PLEKHG4B: variants seen among roughly 807,000 people sequenced by gnomAD.
PLEKHG4B encodes pleckstrin homology and RhoGEF domain containing G4B, also known as pleckstrin homology domain-containing family G member 4B.
PLEKHG4B carries 111 observed loss-of-function variants against 121.3 expected under a neutral mutation model. The observed-to-expected ratio is 0.92, with a 90% CI of 0.78 to 1.07. The LOEUF (loss-of-function observed/expected upper bound fraction) is 1.07, where lower values mean the gene tolerates loss of function less well. PLEKHG4B is among the 50% of genes least tolerant of loss of function. The probability of loss-of-function intolerance (pLI) is 0.00; values close to 1 mark genes in which losing one functional copy is unlikely to be tolerated. For synonymous variants in PLEKHG4B, 738 were observed against 725.0 expected (o/e 1.02, Z -0.29); for missense variants, 1,831 against 1,757.8 (o/e 1.04, Z -0.74).
intron 1 of PLEKHG4B, among the ~76,000 whole-genome samples, chr5:105,631 G>A (rs545519685): frequency 2.6e-5 from 4 of 152,338 alleles, no homozygotes; most frequent in South Asian, 4.1e-4. Flanking sequence ...TTCGCTTTTC[G>A]TTTGAAGTTG....
In PLEKHG4B at chr5:156,293, C is replaced by T; in HGVS notation, c.2348+83C>T. 1.5e-6 allele frequency: 2 copies of T among 1,291,912 alleles called. No homozygotes were observed. Among genetic ancestry groups the T allele is most frequent in the Non-Finnish European group, 2.0e-6 (2 of 1,004,944 alleles). The allele number at this position is 1,291,912 out of a possible 1,614,324, so 80.0% of individuals were successfully genotyped here. On this transcript the variant is annotated intron_variant, in intron 10 of 19. Coordinates refer to ENST00000637938, the MANE Select transcript of PLEKHG4B (RefSeq NM_052909.5). This position sits in a 1 kb window ranked among gnomAD's most constrained non-coding sequence, Gnocchi z 4.4. ...AGTTTGCACCAGGAGGCGTAGCGCTCTGCTCCAAGGAGAGCCCCCTCTGTG... is the reference window on the plus strand; with the variant it reads ...AGTTTGCACCAGGAGGCGTAGCGCTTTGCTCCAAGGAGAGCCCCCTCTGTG...
chr5:106,580 C>T (rs1733979677), intron 1 of PLEKHG4B, among the ~76,000 whole-genome samples: 1 of 152,230 alleles, frequency 6.6e-6, no homozygotes, highest in Non-Finnish European at 1.5e-5. Flanking sequence ...ACAGCGTGCT[C>T]ACATTTCAAA....
chr5:109,062 G>T (rs1232168591), intron 1 of PLEKHG4B, among the ~76,000 whole-genome samples: 10 of 152,140 alleles, frequency 6.6e-5, no homozygotes, highest in Non-Finnish European at 1.5e-4. Context: ...CCATTGATGG[G>T]AACTGGGGCA....
chr5:140,327 C>G lies in PLEKHG4B; in HGVS notation c.1088C>G (p.Pro363Arg). Reference sequence around the variant, plus strand: ...TCGTACATGGAAGCCTTGCGGAACCCCATGCCCCTGGGCAGCTCTGAGGAG... The same window carrying G: ...TCGTACATGGAAGCCTTGCGGAACCGCATGCCCCTGGGCAGCTCTGAGGAG... ...RESYMEALRN[P>R]MPLGSSEEAL... The change falls in exon 3 of 20, where the codon CCC (proline) becomes CGC (arginine). Residue 363 changes from proline (P) to arginine (R), a missense_variant. Pro to Arg is a moderately radical substitution (Grantham distance 103). Coordinates refer to ENST00000637938, the MANE Select transcript of PLEKHG4B (RefSeq NM_052909.5). 3.9e-6 allele frequency: 6 copies of G among 1,524,516 alleles called. No individual in the cohort carries two copies. Among genetic ancestry groups the G allele is most frequent in the Non-Finnish European group, 5.3e-6 (6 of 1,137,610 alleles). The allele number at this position is 1,524,516 out of a possible 1,614,324, so 94.4% of individuals were successfully genotyped here. A position where few individuals can be genotyped will look rare whatever the true frequency, so the allele number is the denominator to read the frequency against.
intron 2 of PLEKHG4B, among the ~76,000 whole-genome samples, chr5:121,812 T>C (rs1475876677): frequency 6.6e-6 from 1 of 151,934 alleles, no homozygotes; most frequent in Non-Finnish European, 1.5e-5. Flanking sequence ...TTTAGGTTAA[T>C]AAAAGAGTAG....
chr5:119,855 G>T (rs1734417540), intron 2 of PLEKHG4B, among the ~76,000 whole-genome samples: 1 of 152,166 alleles, frequency 6.6e-6, no homozygotes. Context: ...AATGCACGTG[G>T]ATCTTCTCTA....
chr5:170,870 T>G (rs1187294786), intron 14 of PLEKHG4B, among the ~76,000 whole-genome samples, 173 bp from the exon 15 acceptor site: 3 of 152,080 alleles, frequency 2.0e-5, no homozygotes, highest in Non-Finnish European at 4.4e-5. Context: ...GTGTTGGGGA[T>G]ACTCTGATAG....
intron 2 of PLEKHG4B, among the ~76,000 whole-genome samples, chr5:130,787 G>A (rs1734756486): frequency 6.6e-6 from 1 of 152,202 alleles, no homozygotes; most frequent in Non-Finnish European, 1.5e-5. Context: ...TTTACCCTGT[G>A]TGATCTGCAG....
chr5:127,283 A>C (rs2126376363), intron 2 of PLEKHG4B, among the ~76,000 whole-genome samples: 1 of 151,314 alleles, frequency 6.6e-6, no homozygotes, highest in East Asian at 1.9e-4. Context: ...TCTTTCCCTC[A>C]CTATCTGCCT....
At position 170,438 on chromosome 5, in the gene PLEKHG4B, G is replaced by T. The variant is rs1027745013; in HGVS notation, c.3730-605G>T. Among the ~76,000 whole-genome samples, 26 of 152,084 alleles carry T rather than the reference G, an allele frequency of 1.7e-4. 1 individual carries two copies. The highest frequency in any genetic ancestry group is 4.4e-5 in the Non-Finnish European group (3 of 68,020). ...CTGCCTCAGCCTCTTGAGTAGCTGG[G>T]ACTACAGGCGCCGCCACCACGCCCG... On this transcript the variant is annotated intron_variant, in intron 14 of 19. Transcript: ENST00000637938.
chr5:105,532 A>G (rs544075592), intron 1 of PLEKHG4B, among the ~76,000 whole-genome samples: 169 of 152,332 alleles, frequency 1.1e-3, no homozygotes, highest in African/African-American at 3.9e-3. Context: ...GGAAACATGC[A>G]TGGCAGTGGT....
At chr5:154,833 A>G (rs753758391) in intron 7 of PLEKHG4B, 42 bp from the exon 8 acceptor site, 1 of 1,450,554 alleles carries the variant, frequency 6.9e-7, no homozygotes, top group South Asian at 1.1e-5. Flanking sequence ...CCCCCAAGAG[A>G]TGCATCTGGA....
Position 140,031 on chromosome 5 carries a change from G to C in PLEKHG4B, c.792G>C (p.Arg264Ser), listed in dbSNP as rs1309253301. The C allele has an allele frequency of 1.2e-5, 5 of 427,270 alleles. No individual in the cohort carries two copies. In the Admixed American group the frequency reaches 2.0e-4, roughly 17 times the overall value. The allele number at this position is 427,270 out of a possible 1,614,324, so 26.5% of individuals were successfully genotyped here. Reference protein sequence around the residue: ...RRGHTGSDQLRHLPYPERAEL... With the variant: ...RRGHTGSDQLSHLPYPERAEL... Reference sequence around the variant, plus strand: ...GGCATACGGGCAGCGACCAGCTCAGGCACCTTCCTTATCCAGAAAGAGCCG... The same window carrying C: ...GGCATACGGGCAGCGACCAGCTCAGCCACCTTCCTTATCCAGAAAGAGCCG... The change falls in exon 3 of 20, where the codon AGG becomes AGC. Residue 264 changes from arginine to serine, a missense_variant. Coordinates refer to ENST00000637938, the MANE Select transcript of PLEKHG4B (RefSeq NM_052909.5).
At chr5:169,260 T>G in intron 13 of PLEKHG4B, 80 bp from the exon 14 acceptor site, 1 of 1,563,648 alleles carries the variant, frequency 6.4e-7, no homozygotes, top group Admixed American at 1.8e-5. Context: ...TTTTCATGTG[T>G]TTCTGTCTCA....
At chr5:127,683 C>T (rs1396607992) in intron 2 of PLEKHG4B, among the ~76,000 whole-genome samples, 2 of 152,088 alleles carry the variant, frequency 1.3e-5, no homozygotes, top group African/African-American at 4.8e-5. Context: ...TCTTTGTCTG[C>T]ACCTCTGTGG....
Position 163,042 on chromosome 5 carries a change from AC to A in PLEKHG4B, c.2973del (p.Ser992HisfsTer88). On this transcript the variant is annotated frameshift_variant, in exon 13 of 20. Coordinates refer to ENST00000637938, the MANE Select transcript of PLEKHG4B (RefSeq NM_052909.5). LOFTEE classifies it high-confidence loss of function. ...QEAMRRHQKPPSFPSTDSGGG... is the reference protein window; with the variant it reads ...QEAMRRHQKPXSFPSTDSGGG... ...AGGCCATGAGGAGGCACCAGAAGCCACCCTCATTCCCCAGCACGGACAGTGG... is the reference window on the plus strand; with the variant it reads ...AGGCCATGAGGAGGCACCAGAAGCCACCTCATTCCCCAGCACGGACAGTGG... 1 of 1,560,564 alleles carries A rather than the reference AC, an allele frequency of 6.4e-7. No homozygotes were observed.
Position 171,206 on chromosome 5 carries a change from C to T in PLEKHG4B, c.3820-8C>T, listed in dbSNP as rs755135828. 5 of 1,603,086 alleles carry T rather than the reference C, an allele frequency of 3.1e-6. No individual in the cohort carries two copies. The East Asian group carries it at 6.7e-5, about 22-fold the overall frequency. ...GCCGGAGCTGACCCTCTCACCCGGCCCTTGCAGGACAAGCAGCGGGAGCTA... is the reference window on the plus strand; with the variant it reads ...GCCGGAGCTGACCCTCTCACCCGGCTCTTGCAGGACAAGCAGCGGGAGCTA... On this transcript the variant is annotated splice_polypyrimidine_tract_variant and splice_region_variant and intron_variant, in intron 15 of 19. Coordinates refer to ENST00000637938, the MANE Select transcript of PLEKHG4B (RefSeq NM_052909.5).
At chr5:109,252 C>T (rs1322156345) in intron 1 of PLEKHG4B, among the ~76,000 whole-genome samples, 4 of 151,938 alleles carry the variant, frequency 2.6e-5, no homozygotes, top group East Asian at 1.9e-4. Flanking sequence ...TAGCCAGGCG[C>T]GGTTAGTGGT....
chr5:144,921 G>T lies in PLEKHG4B; in HGVS notation c.1905+1G>T, dbSNP rs1178604045. ...CTCCCAGGCCCTCTCAGGATTGCAGGTACGGCAAGGTTGTCATATCCCTTG... is the reference window on the plus strand; with the variant it reads ...CTCCCAGGCCCTCTCAGGATTGCAGTTACGGCAAGGTTGTCATATCCCTTG... On this transcript the variant is annotated splice_donor_variant, in intron 6 of 19. Transcript: ENST00000637938. LOFTEE classifies it high-confidence loss of function. 2.5e-6 allele frequency: 4 copies of T among 1,612,666 alleles called. No homozygotes were observed. The highest frequency in any genetic ancestry group is 3.4e-6 in the Non-Finnish European group (4 of 1,179,592).
Sources: allele counts gnomAD v4.1 joint callset (sites outside exome capture counted in the v4.1 genomes callset), GRCh38; gene constraint gnomAD v4.1.1; non-coding constraint Gnocchi (gnomAD v3.1); transcripts MANE v1.5; gene names NCBI Gene and HGNC (gene_info 2026-07-23, HGNC 2026-07-21).